Variants in CDKAL1 observed in about 807,000 individuals in gnomAD.
The protein encoded by CDKAL1 is threonylcarbamoyladenosine tRNA methylthiotransferase.
Under a neutral mutation model 68.2 loss-of-function variants are expected in CDKAL1, and 32 were observed. The ratio of observed to expected loss-of-function variants is 0.47; its 90% CI spans 0.35 to 0.63. The LOEUF is 0.63. Among genes scored for constraint, CDKAL1 ranks in the 30% least tolerant of loss-of-function variants. The probability of loss-of-function intolerance (pLI) is 0.00; values close to 1 mark genes in which losing one functional copy is unlikely to be tolerated. For synonymous variants in CDKAL1, 234 were observed against 244.3 expected, an observed-to-expected ratio of 0.96 and a Z score of 0.39; for missense variants, 606 against 696.7, an observed-to-expected ratio of 0.87 and a Z score of 1.47.
chr6:20,675,057 A>C (rs546385170), intron 5 of CDKAL1, among the ~76,000 whole-genome samples: 1 of 152,116 alleles, frequency 6.6e-6, no homozygotes, highest in Non-Finnish European at 1.5e-5. Flanking sequence ...TTTCTGGAGT[A>C]AATTTCATAT....
intron 9 of CDKAL1, among the ~76,000 whole-genome samples, chr6:20,929,452 G>GA (rs1186871339): frequency 1.3e-5 from 2 of 152,146 alleles, no homozygotes; most frequent in African/African-American, 4.8e-5. Flanking sequence ...AAGTAAGGTA[G>GA]AAAAAAGCAG....
At chr6:20,750,544 G>A (rs1411993065) in intron 6 of CDKAL1, among the ~76,000 whole-genome samples, 1 of 152,110 alleles carries the variant, frequency 6.6e-6, no homozygotes, top group Non-Finnish European at 1.5e-5. Flanking sequence ...ACCTCCATGT[G>A]CATAGGAGAA....
At chr6:20,896,103 C>CTTTTTTTTTTTT (rs777787310) in intron 9 of CDKAL1, among the ~76,000 whole-genome samples, 3 of 90,144 alleles carry the variant, frequency 3.3e-5, no homozygotes, top group Non-Finnish European at 6.5e-5. Context: ...CTTTTCTTTT[C>CTTTTTTTTTTTT]TTTTTTTTTT....
At chr6:20,766,764 T>C (rs1774721992) in intron 7 of CDKAL1, among the ~76,000 whole-genome samples, 1 of 152,232 alleles carries the variant, frequency 6.6e-6, no homozygotes, top group Admixed American at 6.5e-5. Context: ...TTTTCAGATA[T>C]GGCAACTTCT....
intron 8 of CDKAL1, among the ~76,000 whole-genome samples, chr6:20,782,696 G>C (rs2150377698): frequency 6.6e-6 from 1 of 152,188 alleles, no homozygotes; most frequent in South Asian, 2.1e-4. Flanking sequence ...TGCTCCATGG[G>C]GGCAGGGCCT....
chr6:20,560,199 C>A (rs529859321), intron 4 of CDKAL1, among the ~76,000 whole-genome samples: 38 of 152,148 alleles, frequency 2.5e-4, no homozygotes, highest in Non-Finnish European at 3.5e-4. Flanking sequence ...TCTTCTAATG[C>A]AATTATTAGG....
chr6:20,657,069 TGATGGATTA>T (rs538678840), intron 5 of CDKAL1, among the ~76,000 whole-genome samples: 190 of 152,290 alleles, frequency 1.2e-3, no homozygotes, highest in African/African-American at 4.2e-3. Flanking sequence ...AATCTTTCAG[TGATGGATTA>T]CTCTTGTCAA....
intron 13 of CDKAL1, among the ~76,000 whole-genome samples, chr6:21,108,777 G>A (rs1432561715): frequency 6.6e-6 from 1 of 152,150 alleles, no homozygotes; most frequent in African/African-American, 2.4e-5. Flanking sequence ...CTGTACTGGA[G>A]GAACTTGGGT....
At chr6:20,844,109 G>A (rs1778282491) in intron 8 of CDKAL1, among the ~76,000 whole-genome samples, 1 of 152,182 alleles carries the variant, frequency 6.6e-6, no homozygotes, top group Admixed American at 6.5e-5. Context: ...ACCAGCAGGA[G>A]GATGAAAAAC....
chr6:20,846,122 A>G lies in CDKAL1; in HGVS notation c.686A>G (p.Asn229Ser), dbSNP rs1228813921. 6.2e-7 allele frequency: 1 copy of G among 1,613,466 alleles called. No individual in the cohort carries two copies. Among genetic ancestry groups the G allele is most frequent in the African/African-American group, 1.3e-5 (1 of 75,040 alleles). Residue 229 changes from asparagine (N) to serine (S), a missense_variant, in exon 9 of 16, where the codon AAT becomes AGT. By Grantham distance (46) the Asn-to-Ser change is conservative. Coordinates refer to ENST00000274695, the MANE Select transcript of CDKAL1 (RefSeq NM_017774.3). ...TGCAAAACTAAACACGCCAGAGGAAATTTGGCCAGTTATCCAATTGATGAA... is the reference window on the plus strand; with the variant it reads ...TGCAAAACTAAACACGCCAGAGGAAGTTTGGCCAGTTATCCAATTGATGAA... ...TYCKTKHARG[N>S]LASYPIDELV...
At chr6:20,609,297 T>TCTCCTC (rs200864002) in intron 4 of CDKAL1, among the ~76,000 whole-genome samples, 1 of 136,186 alleles carries the variant, frequency 7.3e-6, no homozygotes, top group African/African-American at 3.1e-5. Context: ...TTCTTCTCCT[T>TCTCCTC]CTCCTCCTCC....
intron 5 of CDKAL1, among the ~76,000 whole-genome samples, chr6:20,730,768 C>T (rs1396697325): frequency 2.7e-5 from 4 of 147,438 alleles, no homozygotes; most frequent in East Asian, 2.1e-4. Flanking sequence ...TGCTTGAACC[C>T]GGGAGGTGGA....
At chr6:20,586,169 C>T (rs1192463556) in intron 4 of CDKAL1, among the ~76,000 whole-genome samples, 1 of 152,156 alleles carries the variant, frequency 6.6e-6, no homozygotes, top group Non-Finnish European at 1.5e-5. Flanking sequence ...CCACTGTGGT[C>T]TAAGCCAGCA....
intron 11 of CDKAL1, among the ~76,000 whole-genome samples, chr6:21,060,300 G>A (rs1402385423): frequency 6.6e-6 from 1 of 151,946 alleles, no homozygotes; most frequent in African/African-American, 2.4e-5. Context: ...CAAAGAATTT[G>A]CCCATTTTAT....
intron 10 of CDKAL1, among the ~76,000 whole-genome samples, chr6:20,999,321 ACAGCATG>A (rs1767294814): frequency 6.6e-6 from 1 of 150,420 alleles, no homozygotes; most frequent in South Asian, 2.1e-4. Flanking sequence ...CGATGACCTG[ACAGCATG>A]CAGCAGTGGA....
At chr6:20,861,335 A>T (rs1759616583) in intron 9 of CDKAL1, among the ~76,000 whole-genome samples, 1 of 152,210 alleles carries the variant, frequency 6.6e-6, no homozygotes, top group Admixed American at 6.5e-5. Context: ...GATTAACTGA[A>T]TGGGTTCTGT....
At chr6:21,016,670 A>ATCCATCCG (rs1237906985) in intron 11 of CDKAL1, among the ~76,000 whole-genome samples, 1 of 145,996 alleles carries the variant, frequency 6.8e-6, no homozygotes, top group East Asian at 2.0e-4. Flanking sequence ...CCATCCATCC[A>ATCCATCCG]TCTTACTTCA....
chr6:20,647,755 A>C (rs6913126), intron 4 of CDKAL1, among the ~76,000 whole-genome samples: 34,969 of 151,930 alleles, frequency 0.23, 4,383 homozygotes, highest in African/African-American at 0.29. Flanking sequence ...GACATAATTG[A>C]TTTATGTTTT....
chr6:20,706,006 T>C (rs1159417350), intron 5 of CDKAL1, among the ~76,000 whole-genome samples: 2 of 152,112 alleles, frequency 1.3e-5, no homozygotes, highest in Non-Finnish European at 2.9e-5. Context: ...ACCGTCTCCA[T>C]GGGTGCTGTG....
Sources: allele counts gnomAD v4.1 joint callset (sites outside exome capture counted in the v4.1 genomes callset), GRCh38; gene constraint gnomAD v4.1.1; transcripts MANE v1.5; gene names NCBI Gene and HGNC (gene_info 2026-07-23, HGNC 2026-07-21).